Variants in ZFP14 observed in about 807,000 individuals in gnomAD.
ZFP14 encodes the protein ZFP14 zinc finger protein.
ZFP14 carries 22 observed loss-of-function variants against 54.5 expected under a neutral mutation model. The ratio of observed to expected loss-of-function variants is 0.40; its 90% CI spans 0.29 to 0.58. ZFP14 has a LOEUF of 0.58. ZFP14 is among the 20% of genes least tolerant of loss of function. The probability of loss-of-function intolerance (pLI) is 0.39; values close to 1 mark genes in which losing one functional copy is unlikely to be tolerated. For synonymous variants in ZFP14, 159 were observed against 204.0 expected (o/e 0.78, Z 1.88); for missense variants, 470 against 637.8 (o/e 0.74, Z 2.83).
intron 4 of ZFP14, among the ~76,000 whole-genome samples, chr19:36,358,092 CATCT>C (rs148097125): frequency 0.091 from 11,638 of 127,506 alleles, 563 homozygotes; most frequent in East Asian, 0.15. Context: ...ATCTATCTAT[CATCT>C]ATCTATCTAT....
Position 36,339,358 on chromosome 19 carries a change from ACAGGCCCCC to A in ZFP14, c.*857_*865del, listed in dbSNP as rs1044645783. 1 of 152,162 alleles carries A rather than the reference ACAGGCCCCC, an allele frequency of 6.6e-6. No homozygotes were observed. The highest frequency in any genetic ancestry group is 2.4e-5 in the African/African-American group (1 of 41,432). 9.4% of individuals were successfully genotyped at this position (152,162 alleles called of 1,614,324 possible). ...CCACAGTGTGGCAGGCTGACTCTAA[ACAGGCCCCC>A]CAGTGGTCCTGTCTCCAGGACTTAT... On this transcript the variant is annotated 3_prime_UTR_variant, in exon 5 of 5. Transcript: ENST00000270001.
intron 4 of ZFP14, among the ~76,000 whole-genome samples, chr19:36,344,682 C>T (rs1292711081): frequency 2.0e-5 from 3 of 152,208 alleles, no homozygotes; most frequent in South Asian, 2.1e-4. Flanking sequence ...GTCAGATCAG[C>T]GGTGACTAGA....
chr19:36,360,470 A>G lies in ZFP14; in HGVS notation c.200T>C (p.Met67Thr). 1 of 1,613,670 alleles carries G rather than the reference A, an allele frequency of 6.2e-7. No individual in the cohort carries two copies. The highest frequency in any genetic ancestry group is 8.5e-7 in the Non-Finnish European group (1 of 1,179,760). ...TCTTCTTGTCCCTTCCCTCACAACC[A>G]TCCCAGGTTCCTTCCTTTCTTCATC... The part of the protein sequence containing the change: ...LLDEERKEPG[M>T]VVREGTRRYC... The change falls in exon 4 of 5, where the codon ATG becomes ACG. Residue 67 changes from methionine to threonine, a missense_variant. Transcript: ENST00000270001.
intron 4 of ZFP14, among the ~76,000 whole-genome samples, chr19:36,359,135 T>C (rs941152637): frequency 9.2e-5 from 14 of 152,340 alleles, no homozygotes; most frequent in African/African-American, 3.4e-4. Context: ...TTTCAAGGTA[T>C]TCTGTTATAA....
intron 2 of ZFP14, among the ~76,000 whole-genome samples, chr19:36,367,361 T>G (rs73606484): frequency 1.3e-5 from 2 of 152,170 alleles, no homozygotes; most frequent in African/African-American, 4.8e-5. Flanking sequence ...TTCCGCTTTC[T>G]CACAGCTATT....
intron 1 of ZFP14, among the ~76,000 whole-genome samples, chr19:36,376,372 C>A (rs995922763): frequency 6.6e-6 from 1 of 151,902 alleles, no homozygotes; most frequent in Non-Finnish European, 1.5e-5. Context: ...ATAGTGAAAC[C>A]CCATCTCTAC....
Position 36,340,559 on chromosome 19 carries a change from G to A in ZFP14, c.1267C>T (p.Pro423Ser). The A allele has an allele frequency of 6.2e-7, 1 of 1,614,058 alleles. No individual in the cohort carries two copies. Among genetic ancestry groups the A allele is most frequent in the Non-Finnish European group, 8.5e-7 (1 of 1,179,996 alleles). The change falls in exon 5 of 5, where the codon CCC becomes TCC. Residue 423 changes from proline (P) to serine (S), a missense_variant. Transcript: ENST00000270001. The surrounding 1 kb of genome is among the most constrained non-coding windows in gnomAD (Gnocchi z 5.4). ...SHQSIHIGER[P>S]YECEECGKAF... Reference sequence around the variant, plus strand: ...TTTCCACACTCTTCACATTCATAGGGTCTCTCACCAATATGAATGCTCTGG... The same window carrying A: ...TTTCCACACTCTTCACATTCATAGGATCTCTCACCAATATGAATGCTCTGG...
chr19:36,348,416 T>G (rs754249923), intron 4 of ZFP14, among the ~76,000 whole-genome samples: 2 of 152,162 alleles, frequency 1.3e-5, no homozygotes, highest in Non-Finnish European at 2.9e-5. Flanking sequence ...GCCCAGCACC[T>G]GTGTATCAGG....
chr19:36,378,239 T>C (rs2031993962), intron 1 of ZFP14: 1 of 152,160 alleles, frequency 6.6e-6, no homozygotes, highest in Non-Finnish European at 1.5e-5. Context: ...AGATATTGAA[T>C]GCAATCATGA....
chr19:36,369,331 A>G (rs942906875), intron 1 of ZFP14, among the ~76,000 whole-genome samples: 2 of 152,178 alleles, frequency 1.3e-5, no homozygotes, highest in Non-Finnish European at 2.9e-5. Flanking sequence ...GGGTCAAATC[A>G]GTTAAGTTGC....
chr19:36,343,750 G>A (rs2031364631), intron 4 of ZFP14, among the ~76,000 whole-genome samples: 1 of 152,156 alleles, frequency 6.6e-6, no homozygotes. Flanking sequence ...TCTTGCTGGT[G>A]ACAACCCTGC....
Position 36,341,307 on chromosome 19 carries a change from C to G in ZFP14, c.519G>C (p.Glu173Asp), listed in dbSNP as rs138774153. The change falls in exon 5 of 5, where the codon GAG becomes GAC. Residue 173 changes from glutamate to aspartate, a missense_variant. Physicochemically the swap from Glu to Asp is conservative, Grantham distance 45. Coordinates refer to ENST00000270001, the MANE Select transcript of ZFP14 (RefSeq NM_020917.3). This position sits in a 1 kb window ranked among gnomAD's most constrained non-coding sequence, Gnocchi z 4.2. ...TAAAGGTCTTCCTACACTCCTTACA[C>G]TCATACACCTTTTCTCCATTATGAA... ...QIVHNGEKVY[E>D]CKECRKTFIR... The G allele has an allele frequency of 1.2e-6, 2 of 1,614,196 alleles. No individual in the cohort carries two copies. Among genetic ancestry groups the G allele is most frequent in the Non-Finnish European group, 1.7e-6 (2 of 1,180,044 alleles).
intron 1 of ZFP14, among the ~76,000 whole-genome samples, chr19:36,377,499 T>A (rs2031981330): frequency 6.7e-6 from 1 of 149,320 alleles, no homozygotes; most frequent in African/African-American, 2.5e-5. Flanking sequence ...GGGAGCGAGA[T>A]CACTTCACTG....
At position 36,339,152 on chromosome 19, in the gene ZFP14, T is replaced by C. The variant is rs1224369495; in HGVS notation, c.*1072A>G. The C allele has an allele frequency of 1.3e-5, 2 of 152,360 alleles. No individual in the cohort carries two copies. Among genetic ancestry groups the C allele is most frequent in the South Asian group, 2.1e-4 (1 of 4,828 alleles). The allele number at this position is 152,360 out of a possible 1,614,324, so 9.4% of individuals were successfully genotyped here. ...TTTACCTAGAATAAATTATGTTTAATAATTTCTGAGAGGTGACAGGAGGCA... is the reference window on the plus strand; with the variant it reads ...TTTACCTAGAATAAATTATGTTTAACAATTTCTGAGAGGTGACAGGAGGCA... On this transcript the variant is annotated 3_prime_UTR_variant, in exon 5 of 5. Transcript: ENST00000270001.
chr19:36,340,116 C>G lies in ZFP14; in HGVS notation c.*108G>C. 8.4e-7 allele frequency: 1 copy of G among 1,190,456 alleles called. No homozygotes were observed. The highest frequency in any genetic ancestry group is 1.1e-6 in the Non-Finnish European group (1 of 889,862). 73.7% of individuals were successfully genotyped at this position (1,190,456 alleles called of 1,614,324 possible). On this transcript the variant is annotated 3_prime_UTR_variant, in exon 5 of 5. Coordinates refer to ENST00000270001, the MANE Select transcript of ZFP14 (RefSeq NM_020917.3). This position sits in a 1 kb window ranked among gnomAD's most constrained non-coding sequence, Gnocchi z 5.4. ...AGGCTTTTAAATCAACATATTCTTT[C>G]TCTAATATAAAATTTATTATGCTTG...
In ZFP14 at chr19:36,365,958, T is replaced by A. The variant is rs1340150262; in HGVS notation, c.9+1926A>T. On this transcript the variant is annotated intron_variant, in intron 2 of 4. Coordinates refer to ENST00000270001, the MANE Select transcript of ZFP14 (RefSeq NM_020917.3). ...CTGGGTGACTGAGTGAGACCTTCTG[T>A]CAAAAAAAAAAAAAGGCTGGGTGTC... 3.4e-4 allele frequency among the ~76,000 whole-genome samples: 35 copies of A among 101,782 alleles called. No homozygotes were observed. In the South Asian group the frequency reaches 5.9e-3, roughly 17 times the overall value. The allele number at this position is 101,782 out of a possible 152,430, so 66.8% of individuals were successfully genotyped here. A position where few individuals can be genotyped will look rare whatever the true frequency, so the allele number is the denominator to read the frequency against.
intron 1 of ZFP14, among the ~76,000 whole-genome samples, chr19:36,368,223 C>T (rs1215386775): frequency 6.6e-6 from 1 of 152,180 alleles, no homozygotes. Context: ...AATCTCAGCA[C>T]TTTGGGAGGC....
At chr19:36,369,754 C>T (rs995479239) in intron 1 of ZFP14, among the ~76,000 whole-genome samples, 3 of 152,034 alleles carry the variant, frequency 2.0e-5, no homozygotes, top group Non-Finnish European at 4.4e-5. Context: ...GTCTCTGAAG[C>T]AAGGATTTCT....
chr19:36,377,716 C>T (rs1160786896), intron 1 of ZFP14, among the ~76,000 whole-genome samples: 1 of 152,058 alleles, frequency 6.6e-6, no homozygotes, highest in African/African-American at 2.4e-5. Flanking sequence ...TGCGGTGGCT[C>T]ATCCCTGTAG....
Sources: allele counts gnomAD v4.1 joint callset (sites outside exome capture counted in the v4.1 genomes callset), GRCh38; gene constraint gnomAD v4.1.1; non-coding constraint Gnocchi (gnomAD v3.1); transcripts MANE v1.5; gene names NCBI Gene and HGNC (gene_info 2026-07-23, HGNC 2026-07-21).